The following ABHD1 variants were observed in gnomAD, a reference collection of about 807,000 sequenced individuals.
The protein encoded by ABHD1 is abhydrolase domain containing 1.
Under a neutral mutation model 41.4 loss-of-function variants are expected in ABHD1, and 47 were observed. That is an observed-to-expected ratio of 1.13 (90% CI 0.90 to 1.45). ABHD1 has a LOEUF of 1.45. Ranked by LOEUF, ABHD1 falls within the 40% of genes most tolerant of loss-of-function variation. ABHD1 has a pLI of 0.00. For missense variants in ABHD1, 550 were observed against 503.4 expected (o/e 1.09, Z -0.89); for synonymous variants, 205 against 203.7 (o/e 1.01, Z -0.05).
intron 1 of ABHD1, chr2:27,124,379 T>C (rs1037243835): frequency 4.9e-6 from 2 of 412,352 alleles, no homozygotes; most frequent in African/African-American, 4.1e-5. Flanking sequence ...GTGGTTTAGC[T>C]GAGTCTTTCA....
chr2:27,129,871 C>T lies in ABHD1; in HGVS notation c.735C>T (p.Leu245=). ...FETTRSLETP[L]NSLLFNQPLT... Reference sequence around the variant, plus strand: ...CCACTCGCTCCCTGGAAACCCCACTCAACTCACTGCTCTTCAATCAGCCCC... The same window carrying T: ...CCACTCGCTCCCTGGAAACCCCACTTAACTCACTGCTCTTCAATCAGCCCC... The change falls in exon 6 of 9, where the codon CTC becomes CTT. Residue 245 remains leucine (L), a synonymous_variant. Transcript: ENST00000316470. The T allele has an allele frequency of 6.2e-7, 1 of 1,614,136 alleles. No individual in the cohort carries two copies. The highest frequency in any genetic ancestry group is 8.5e-7 in the Non-Finnish European group (1 of 1,180,046).
At position 27,130,639 on chromosome 2, in the gene ABHD1, G is replaced by C. The variant is rs2304678; in HGVS notation, c.1113G>C (p.Trp371Cys). 262,834 of 1,614,034 alleles carry C rather than the reference G, an allele frequency of 0.16. 22,585 individuals are homozygous for C. Among genetic ancestry groups the C allele is most frequent in the African/African-American group, 0.28 (21,328 of 74,986 alleles). ...AAGGGCTGCTCCCGTGGCAGCACTG[G>C]TACATGAGCCGCCTCTTGCATCAGT... is the stretch of plus-strand genomic sequence containing the variant. Reference protein sequence around the residue: ...FLEGLLPWQHWYMSRLLHQYA... With the variant: ...FLEGLLPWQHCYMSRLLHQYA... The change falls in exon 9 of 9, where the codon TGG becomes TGC. Residue 371 changes from tryptophan to cysteine, a missense_variant. Physicochemically the swap from Trp to Cys is radical, Grantham distance 215 (BLOSUM62 -2). Transcript: ENST00000316470.
chr2:27,123,871 C>T lies in ABHD1; in HGVS notation c.-78C>T. 1 of 1,196,220 alleles carries T rather than the reference C, an allele frequency of 8.4e-7. No homozygotes were observed. The highest frequency in any genetic ancestry group is 1.2e-6 in the Non-Finnish European group (1 of 847,234). The allele number at this position is 1,196,220 out of a possible 1,614,324, so 74.1% of individuals were successfully genotyped here. ...ACCTGCACAGGCCGCCTATGGCGGG[C>T]GGCGGGTGGGACCGCGAGTTACAGC... On this transcript the variant is annotated 5_prime_UTR_variant, in exon 1 of 9. Transcript: ENST00000316470.
At chr2:27,128,684 T>A in intron 2 of ABHD1, 83 bp downstream of exon 2, 3 of 1,550,114 alleles carry the variant, frequency 1.9e-6, no homozygotes, top group Non-Finnish European at 2.6e-6. Flanking sequence ...ATGTAGGTAA[T>A]CTGCCTCATC....
chr2:27,129,771 ACCTGGCACAGGCCAGG>A lies in ABHD1; in HGVS notation c.637_652del (p.Leu213ArgfsTer9). 9 of 1,614,052 alleles carry A rather than the reference ACCTGGCACAGGCCAGG, an allele frequency of 5.6e-6. No individual in the cohort carries two copies. The highest frequency in any genetic ancestry group is 7.6e-6 in the Non-Finnish European group (9 of 1,180,014). On this transcript the variant is annotated frameshift_variant, in exon 6 of 9. Transcript: ENST00000316470. LOFTEE classifies it high-confidence loss of function. Reference sequence around the variant, plus strand: ...TTCCACAGGATACTGGTGCTGAATCACCTGGCACAGGCCAGGCAGGCTGCAGGGCTGGTGGCAGCAC... The same window carrying A: ...TTCCACAGGATACTGGTGCTGAATCACAGGCTGCAGGGCTGGTGGCAGCAC...
chr2:27,129,166 A>G (rs1301860283), intron 3 of ABHD1, 39 bp downstream of exon 3: 2 of 1,602,762 alleles, frequency 1.2e-6, no homozygotes, highest in Non-Finnish European at 1.7e-6. Flanking sequence ...GTGGCATCTG[A>G]GAACGTGTAT....
chr2:27,127,595 C>A (rs1436378224), intron 1 of ABHD1, among the ~76,000 whole-genome samples: 1 of 147,880 alleles, frequency 6.8e-6, no homozygotes, highest in Non-Finnish European at 1.5e-5. Flanking sequence ...TGGTGTCTCG[C>A]TCTATCACCA....
chr2:27,130,234 T>C lies in ABHD1; in HGVS notation c.841-17T>C. 1.2e-6 allele frequency: 2 copies of C among 1,614,214 alleles called. No individual in the cohort carries two copies. Among genetic ancestry groups the C allele is most frequent in the South Asian group, 2.2e-5 (2 of 91,090 alleles). ...TATTCTTTATCATCTTAGCCTATCC[T>C]ATGGTAAGACCTGCAGGCCCGTACA... On this transcript the variant is annotated splice_polypyrimidine_tract_variant and intron_variant, in intron 7 of 8. Coordinates refer to ENST00000316470, the MANE Select transcript of ABHD1 (RefSeq NM_032604.4).
rs146000122 is a variant in ABHD1, at chr2:27,129,766, G to C, written c.630G>C (p.Leu210=). Reference sequence around the variant, plus strand: ...TCCAATTCCACAGGATACTGGTGCTGAATCACCTGGCACAGGCCAGGCAGG... The same window carrying C: ...TCCAATTCCACAGGATACTGGTGCTCAATCACCTGGCACAGGCCAGGCAGG... ...VGISFGGILV[L]NHLAQARQAA... is the part of the protein sequence containing the mutation. Residue 210 remains leucine (L), a synonymous_variant, in exon 6 of 9, where the codon CTG becomes CTC. Transcript: ENST00000316470. 1 of 1,614,094 alleles carries C rather than the reference G, an allele frequency of 6.2e-7. No individual in the cohort carries two copies. Among genetic ancestry groups the C allele is most frequent in the East Asian group, 2.2e-5 (1 of 44,880 alleles).
At chr2:27,128,913 G>C in intron 2 of ABHD1, 32 bp from the exon 3 acceptor site, 1 of 1,604,554 alleles carries the variant, frequency 6.2e-7, no homozygotes, top group Non-Finnish European at 8.5e-7. Context: ...GTTCTTAATA[G>C]TATCTTTGTG....
Position 27,124,035 on chromosome 2 carries a change from G to C in ABHD1, c.87G>C (p.Leu29Phe). The change falls in exon 1 of 9, where the codon TTG (leucine) becomes TTC (phenylalanine). Residue 29 changes from leucine to phenylalanine, a missense_variant. Leu to Phe is a conservative substitution (Grantham distance 22). Coordinates refer to ENST00000316470, the MANE Select transcript of ABHD1 (RefSeq NM_032604.4). The stretch of plus-strand genomic sequence containing the variant: ...TGGCTCTTGCCGTTGCCCTCTACTT[G>C]GGCTACTACTGGGCATGTGTGCTTC... ...LLLALAVALY[L>F]GYYWACVLQR... The C allele has an allele frequency of 6.2e-7, 1 of 1,614,190 alleles. No individual in the cohort carries two copies. Among genetic ancestry groups the C allele is most frequent in the South Asian group, 1.1e-5 (1 of 91,086 alleles).
chr2:27,128,349 G>A, intron 1 of ABHD1, 92 bp from the exon 2 acceptor site: 1 of 1,556,738 alleles, frequency 6.4e-7, no homozygotes, highest in South Asian at 1.1e-5. Context: ...GCTGGGCTCT[G>A]GAGAGGGGGC....
At position 27,128,981 on chromosome 2, in the gene ABHD1, G is replaced by A; in HGVS notation, c.312G>A (p.Leu104=). 1 of 1,614,146 alleles carries A rather than the reference G, an allele frequency of 6.2e-7. No homozygotes were observed. The highest frequency in any genetic ancestry group is 8.5e-7 in the Non-Finnish European group (1 of 1,180,010). Residue 104 remains leucine (L), a synonymous_variant, in exon 3 of 9, where the codon CTG becomes CTA. Transcript: ENST00000316470. The part of the protein sequence containing the change: ...ILQTPDGGQL[L]LDWAKQPDSS... ...AAACACCAGATGGAGGCCAGCTCCTGCTAGACTGGGCCAAGCAGCCTGACA... is the reference window on the plus strand; with the variant it reads ...AAACACCAGATGGAGGCCAGCTCCTACTAGACTGGGCCAAGCAGCCTGACA...
In ABHD1 at chr2:27,130,594, T is replaced by C; in HGVS notation, c.1068T>C (p.Gly356=). The C allele has an allele frequency of 6.2e-7, 1 of 1,614,092 alleles. No individual in the cohort carries two copies. The highest frequency in any genetic ancestry group is 1.7e-5 in the Admixed American group (1 of 60,016). The change falls in exon 9 of 9, where the codon GGT becomes GGC. Residue 356 remains glycine, a synonymous_variant. Coordinates refer to ENST00000316470, the MANE Select transcript of ABHD1 (RefSeq NM_032604.4). The part of the protein sequence containing the change: ...PYVALLITAR[G]GHIGFLEGLL... Reference sequence around the variant, plus strand: ...TTGCGCTGCTCATCACAGCCCGGGGTGGCCACATCGGCTTCCTGGAAGGGC... The same window carrying C: ...TTGCGCTGCTCATCACAGCCCGGGGCGGCCACATCGGCTTCCTGGAAGGGC...
intron 1 of ABHD1, among the ~76,000 whole-genome samples, chr2:27,127,941 T>C (rs1303462391): frequency 1.3e-5 from 2 of 152,122 alleles, no homozygotes; most frequent in African/African-American, 4.8e-5. Flanking sequence ...ACCCCGACTT[T>C]TTCTGCAGGG....
At position 27,130,435 on chromosome 2, in the gene ABHD1, G is replaced by A; in HGVS notation, c.1006+19G>A. 6.2e-7 allele frequency: 1 copy of A among 1,613,904 alleles called. No individual in the cohort carries two copies. The highest frequency in any genetic ancestry group is 2.2e-5 in the East Asian group (1 of 44,876). On this transcript the variant is annotated intron_variant, in intron 8 of 8. Coordinates refer to ENST00000316470, the MANE Select transcript of ABHD1 (RefSeq NM_032604.4). ...GTCTGTGGTGAGTACTCTGATTCAG[G>A]ACACTTTGGCCCCAAGGAAAATGGG... is the stretch of plus-strand genomic sequence containing the variant.
chr2:27,130,362 C>G lies in ABHD1; in HGVS notation c.952C>G (p.Arg318Gly). The change falls in exon 8 of 9, where the codon CGG becomes GGG. Residue 318 changes from arginine (R) to glycine (G), a missense_variant. Physicochemically the swap from Arg to Gly is moderately radical, Grantham distance 125. Coordinates refer to ENST00000316470, the MANE Select transcript of ABHD1 (RefSeq NM_032604.4). ...CCCTAGAACCAAGATAGATGCCATCCGGATCCCTGTGCTCTATCTCAGTGC... is the reference window on the plus strand; with the variant it reads ...CCCTAGAACCAAGATAGATGCCATCGGGATCCCTGTGCTCTATCTCAGTGC... ...ASPRTKIDAI[R>G]IPVLYLSAAD... The G allele has an allele frequency of 1.9e-6, 3 of 1,614,178 alleles. No homozygotes were observed. Among genetic ancestry groups the G allele is most frequent in the Non-Finnish European group, 2.5e-6 (3 of 1,180,046 alleles).
rs746812273 is a variant in ABHD1 at position 27,130,792 on chromosome 2, A to G, written c.*48A>G. On this transcript the variant is annotated 3_prime_UTR_variant, in exon 9 of 9. Coordinates refer to ENST00000316470, the MANE Select transcript of ABHD1 (RefSeq NM_032604.4). ...AGTTCACTCTTTCCTTGTTTATTAA[A>G]TATCAACTTTTCCTGCCTAATGGGC... is the stretch of plus-strand genomic sequence containing the variant. The G allele has an allele frequency of 5.7e-6, 9 of 1,585,688 alleles. No individual in the cohort carries two copies. The Admixed American group carries it at 6.7e-5, about 12-fold the overall frequency.
Position 27,130,759 on chromosome 2 carries a change from G to T in ABHD1, c.*15G>T. On this transcript the variant is annotated 3_prime_UTR_variant, in exon 9 of 9. Transcript: ENST00000316470. ...GAAACAGCTGACAAGAGTACCATTT[G>T]GGGTCTCAGTTCACTCTTTCCTTGT... The T allele has an allele frequency of 6.2e-7, 1 of 1,611,000 alleles. No homozygotes were observed. The highest frequency in any genetic ancestry group is 1.1e-5 in the South Asian group (1 of 91,016).
Sources: allele counts gnomAD v4.1 joint callset (sites outside exome capture counted in the v4.1 genomes callset), GRCh38; gene constraint gnomAD v4.1.1; transcripts MANE v1.5; gene names NCBI Gene and HGNC (gene_info 2026-07-23, HGNC 2026-07-21).